The following SCUBE1 variants were observed in gnomAD, a reference collection of about 807,000 sequenced individuals.
The protein encoded by SCUBE1 is signal peptide, CUB domain and EGF like domain containing 1, also known as signal peptide, CUB and EGF-like domain-containing protein 1.
A neutral mutation model predicts 124.4 loss-of-function variants in SCUBE1; 59 were observed. The observed-to-expected ratio is 0.47, with a 90% CI of 0.38 to 0.59. SCUBE1 has a LOEUF of 0.59. Ranked by LOEUF, SCUBE1 falls within the 20% of genes least tolerant of loss-of-function variation. The probability of loss-of-function intolerance (pLI) is 0.00; values close to 1 mark genes in which losing one functional copy is unlikely to be tolerated. For synonymous variants in SCUBE1, 545 were observed against 550.9 expected (o/e 0.99, Z 0.15); for missense variants, 1,150 against 1,371.2 (o/e 0.84, Z 2.55).
chr22:43,303,966 T>C (rs1223704431), intron 3 of SCUBE1, among the ~76,000 whole-genome samples: 4 of 152,218 alleles, frequency 2.6e-5, no homozygotes, highest in Non-Finnish European at 5.9e-5. Context: ...TCTGACTCGC[T>C]GCTTTGTGCA....
At chr22:43,224,719 A>T (rs1350130009) in intron 10 of SCUBE1, among the ~76,000 whole-genome samples, 1 of 152,134 alleles carries the variant, frequency 6.6e-6, no homozygotes, top group Non-Finnish European at 1.5e-5. Context: ...CACAGCTGTC[A>T]GGTCACTGAC....
chr22:43,289,959 C>T (rs1383989010), intron 4 of SCUBE1, among the ~76,000 whole-genome samples: 2 of 152,208 alleles, frequency 1.3e-5, no homozygotes, highest in African/African-American at 4.8e-5. Flanking sequence ...TCTATGCCCG[C>T]AAGCCTCCAG....
intron 4 of SCUBE1, among the ~76,000 whole-genome samples, chr22:43,286,776 A>AAATGAATG (rs113510685): frequency 3.3e-5 from 5 of 152,088 alleles, no homozygotes; most frequent in Admixed American, 6.5e-5. Context: ...GCACACGAAT[A>AAATGAATG]AATGAATGAA....
At chr22:43,291,519 T>C (rs1392203248) in intron 3 of SCUBE1, among the ~76,000 whole-genome samples, 1 of 152,028 alleles carries the variant, frequency 6.6e-6, no homozygotes, top group Non-Finnish European at 1.5e-5. Context: ...TGTGCTACAG[T>C]GGTACAGTGG....
At chr22:43,335,702 T>C (rs1413919330) in intron 2 of SCUBE1, among the ~76,000 whole-genome samples, 1 of 151,880 alleles carries the variant, frequency 6.6e-6, no homozygotes, top group Admixed American at 6.6e-5. Context: ...ATAGTCTCAT[T>C]TGAGCCTGAA....
chr22:43,223,357 T>C (rs1922179547), intron 10 of SCUBE1, 141 bp from the exon 11 acceptor site: 7 of 925,442 alleles, frequency 7.6e-6, no homozygotes, highest in Non-Finnish European at 7.8e-6. Flanking sequence ...GGAAGGCGCC[T>C]GGAGATCGCA....
At chr22:43,219,621 CT>C (rs1218872139) in intron 14 of SCUBE1, among the ~76,000 whole-genome samples, 1 of 151,518 alleles carries the variant, frequency 6.6e-6, no homozygotes, top group Non-Finnish European at 1.5e-5. Flanking sequence ...TTACAGGTGC[CT>C]GCCACCACAC....
chr22:43,225,631 T>C (rs917853537), intron 10 of SCUBE1, among the ~76,000 whole-genome samples: 4 of 150,998 alleles, frequency 2.6e-5, no homozygotes, highest in Non-Finnish European at 1.5e-5. Flanking sequence ...AAAAATTAGG[T>C]GATCTGGTGA....
chr22:43,229,191 G>A lies in SCUBE1; in HGVS notation c.968-3C>T. The A allele has an allele frequency of 6.2e-7, 1 of 1,606,004 alleles. No homozygotes were observed. Among genetic ancestry groups the A allele is most frequent in the Non-Finnish European group, 8.5e-7 (1 of 1,172,842 alleles). The stretch of plus-strand genomic sequence containing the variant: ...CTCGAAGGAGCACTCGTCGATGTCT[G>A]CGTGGCCACAGGGAGACAAAGTTGG... On this transcript the variant is annotated splice_region_variant and splice_polypyrimidine_tract_variant and intron_variant, in intron 8 of 21. Transcript: ENST00000360835.
At chr22:43,279,383 G>A (rs553990782) in intron 4 of SCUBE1, among the ~76,000 whole-genome samples, 2 of 152,302 alleles carry the variant, frequency 1.3e-5, no homozygotes, top group African/African-American at 4.8e-5. Context: ...CCACTTAGGA[G>A]GCTGAGTGCC....
At chr22:43,308,839 C>T (rs930073073) in intron 3 of SCUBE1, among the ~76,000 whole-genome samples, 1 of 152,254 alleles carries the variant, frequency 6.6e-6, no homozygotes, top group South Asian at 2.1e-4. Flanking sequence ...CTGATCCTAA[C>T]AGACAGGGAC....
At chr22:43,217,060 T>G (rs1169915859) in intron 15 of SCUBE1, among the ~76,000 whole-genome samples, 1 of 59,644 alleles carries the variant, frequency 1.7e-5, no homozygotes, top group Admixed American at 1.7e-4. Flanking sequence ...TACCAACAGC[T>G]TCCCCACCCT....
chr22:43,242,890 G>A (rs1379836837), intron 6 of SCUBE1, among the ~76,000 whole-genome samples: 7 of 152,228 alleles, frequency 4.6e-5, no homozygotes, highest in Non-Finnish European at 7.3e-5. Flanking sequence ...CAGCAGCCCC[G>A]GGGGACACAG....
chr22:43,342,791 T>C (rs1927368462), intron 1 of SCUBE1, among the ~76,000 whole-genome samples: 1 of 151,440 alleles, frequency 6.6e-6, no homozygotes, highest in African/African-American at 2.4e-5. Context: ...TCCTGGCGTG[T>C]CCCCCTCCGC....
At chr22:43,298,685 C>T (rs114256707) in intron 3 of SCUBE1, among the ~76,000 whole-genome samples, 10 of 152,114 alleles carry the variant, frequency 6.6e-5, no homozygotes, top group Admixed American at 6.5e-4. Flanking sequence ...AAGGGGTCTG[C>T]GTGATGCTGC....
At chr22:43,336,075 C>A (rs561681629) in intron 2 of SCUBE1, among the ~76,000 whole-genome samples, 1 of 152,162 alleles carries the variant, frequency 6.6e-6, no homozygotes, top group Non-Finnish European at 1.5e-5. Flanking sequence ...GCACACTCTA[C>A]GGAATGAGTG....
intron 6 of SCUBE1, among the ~76,000 whole-genome samples, chr22:43,240,750 T>C (rs940291643): frequency 6.6e-6 from 1 of 152,206 alleles, no homozygotes; most frequent in African/African-American, 2.4e-5. Context: ...AGGGAACTCC[T>C]GCCTCCCACT....
At chr22:43,213,924 T>G (rs1921684101) in intron 16 of SCUBE1, among the ~76,000 whole-genome samples, 166 bp downstream of exon 16, 1 of 152,212 alleles carries the variant, frequency 6.6e-6, no homozygotes, top group African/African-American at 2.4e-5. Flanking sequence ...AAGTGATGAC[T>G]GCACAGACAT....
rs180949960 is a variant in SCUBE1 at position 43,242,826 on chromosome 22, C to T, written c.728-3872G>A. Among the ~76,000 whole-genome samples the T allele has an allele frequency of 4.6e-5, 7 of 152,330 alleles. No individual in the cohort carries two copies. In the East Asian group the frequency reaches 1.2e-3, roughly 25 times the overall value. The stretch of plus-strand genomic sequence containing the variant: ...CACCTGGAGAGATCATGGAACAATA[C>T]AGCCCTTTGTAGTGGACAAGGCACC... On this transcript the variant is annotated intron_variant, in intron 6 of 21. Transcript: ENST00000360835.
Sources: gnomAD v4.1 joint callset for allele counts (sites outside exome capture counted in the v4.1 genomes callset) on GRCh38, gnomAD v4.1.1 for gene constraint, MANE v1.5 for transcripts, NCBI Gene and HGNC (gene_info 2026-07-23, HGNC 2026-07-21) for gene names.